Variants in NT5DC3 observed in about 807,000 individuals in gnomAD.
NT5DC3 encodes the protein 5'-nucleotidase domain-containing protein 3.
Under a neutral mutation model 67.8 loss-of-function variants are expected in NT5DC3, and 42 were observed. The observed-to-expected ratio is 0.62, with a 90% CI of 0.48 to 0.80. The LOEUF (loss-of-function observed/expected upper bound fraction) is 0.80, where lower values mean the gene tolerates loss of function less well. NT5DC3 is among the 30% of genes least tolerant of loss of function. NT5DC3 has a pLI of 0.00. For synonymous variants in NT5DC3, 237 were observed against 255.6 expected (o/e 0.93, Z 0.69); for missense variants, 570 against 696.4 (o/e 0.82, Z 2.04).
the NT5DC3 span, among the ~76,000 whole-genome samples, chr12:103,750,142 A>G: frequency 2.0e-5 from 3 of 152,226 alleles, no homozygotes; most frequent in South Asian, 6.2e-4. Flanking sequence ...TGCACCTACT[A>G]TGTGCTCTTG....
chr12:103,804,934 C>T (rs1886734097), intron 4 of NT5DC3, among the ~76,000 whole-genome samples: 1 of 152,268 alleles, frequency 6.6e-6, no homozygotes, highest in Middle Eastern at 3.4e-3. Context: ...GCCTGTAATC[C>T]CAGCTCTTTG....
chr12:103,814,294 A>C (rs552385563), intron 2 of NT5DC3, among the ~76,000 whole-genome samples: 2 of 152,256 alleles, frequency 1.3e-5, no homozygotes, highest in East Asian at 3.9e-4. Context: ...ACTTCCCAAA[A>C]ATCAGAACCA....
chr12:103,836,691 G>A (rs563905272), intron 1 of NT5DC3, among the ~76,000 whole-genome samples: 2 of 152,240 alleles, frequency 1.3e-5, no homozygotes, highest in East Asian at 3.9e-4. Flanking sequence ...TTGGGATTTT[G>A]GGACGTGTGA....
chr12:103,826,216 T>G (rs1204943073), intron 1 of NT5DC3, among the ~76,000 whole-genome samples: 1 of 152,236 alleles, frequency 6.6e-6, no homozygotes, highest in Non-Finnish European at 1.5e-5. Context: ...ACTATTCTCA[T>G]AGTAAGATGT....
At chr12:103,758,318 T>C in the NT5DC3 span, 6 of 1,609,770 alleles carry the variant, frequency 3.7e-6, no homozygotes, top group Non-Finnish European at 5.1e-6. Context: ...GCCTTTGCTT[T>C]AGACTAGCAT....
chr12:103,830,061 A>G (rs1300871123), intron 1 of NT5DC3, among the ~76,000 whole-genome samples: 1 of 152,232 alleles, frequency 6.6e-6, no homozygotes, highest in Non-Finnish European at 1.5e-5. Context: ...ACTATCAATA[A>G]TCGTGGTTGA....
chr12:103,823,615 T>C (rs747963971), intron 1 of NT5DC3, among the ~76,000 whole-genome samples: 1 of 152,238 alleles, frequency 6.6e-6, no homozygotes, highest in Non-Finnish European at 1.5e-5. Context: ...TACTCCCAGA[T>C]ATTCCAAATA....
intron 6 of NT5DC3, among the ~76,000 whole-genome samples, 162 bp downstream of exon 6, chr12:103,796,729 TAAC>T (rs1210467926): frequency 3.9e-5 from 6 of 152,272 alleles, no homozygotes; most frequent in Admixed American, 1.3e-4. Context: ...TCTCCTGATG[TAAC>T]AACATCTTTC....
chr12:103,746,497 A>G, the NT5DC3 span: 1 of 1,097,920 alleles, frequency 9.1e-7, no homozygotes, highest in Non-Finnish European at 1.4e-6. Context: ...GCACTTATGA[A>G]CACAGTGGTC....
intron 1 of NT5DC3, among the ~76,000 whole-genome samples, chr12:103,840,426 A>C (rs1466666403): frequency 6.7e-6 from 1 of 149,828 alleles, no homozygotes; most frequent in African/African-American, 2.5e-5. Flanking sequence ...ATCTCATTCC[A>C]TCCCATTCCA....
chr12:103,769,030 T>C (rs909028143), downstream of NT5DC3, among the ~76,000 whole-genome samples: 3 of 152,110 alleles, frequency 2.0e-5, no homozygotes, highest in African/African-American at 7.2e-5. Flanking sequence ...GTCAGTTCCA[T>C]AGAGTGTTAC....
At position 103,775,735 on chromosome 12, in the gene NT5DC3, G is replaced by GC. The variant is rs1312129608; in HGVS notation, c.*2093dup. ...AACAAAATGTAGAAGATGGGGAGAA[G>GC]CCTTATTGGATCTAAAGGGTCACCT... On this transcript the variant is annotated 3_prime_UTR_variant, in exon 14 of 14. Transcript: ENST00000392876. 2 of 152,196 alleles carry GC rather than the reference G, an allele frequency of 1.3e-5. No individual in the cohort carries two copies. The highest frequency in any genetic ancestry group is 2.9e-5 in the Non-Finnish European group (2 of 68,036). The allele number at this position is 152,196 out of a possible 1,614,324, so 9.4% of individuals were successfully genotyped here. A position where few individuals can be genotyped will look rare whatever the true frequency, so the allele number is the denominator to read the frequency against.
chr12:103,816,739 T>G (rs1887270051), intron 1 of NT5DC3, among the ~76,000 whole-genome samples: 1 of 152,178 alleles, frequency 6.6e-6, no homozygotes, highest in South Asian at 2.1e-4. Flanking sequence ...GCTTTATTAT[T>G]AGAATTATTT....
At chr12:103,753,080 A>G in the NT5DC3 span, 4 of 942,406 alleles carry the variant, frequency 4.2e-6, no homozygotes, top group Admixed American at 3.1e-5. Context: ...GTACTTCAAC[A>G]TAACTTGAAG....
At chr12:103,833,015 T>C (rs180754321) in intron 1 of NT5DC3, among the ~76,000 whole-genome samples, 114 of 152,344 alleles carry the variant, frequency 7.5e-4, no homozygotes, top group African/African-American at 2.5e-3. Context: ...CCCTGCTGCG[T>C]AGAAAAAGCA....
At chr12:103,839,059 C>T (rs973605193) in intron 1 of NT5DC3, among the ~76,000 whole-genome samples, 1 of 152,174 alleles carries the variant, frequency 6.6e-6, no homozygotes, top group African/African-American at 2.4e-5. Context: ...CATGAACCTA[C>T]ATGTGAGAAA....
the NT5DC3 span, among the ~76,000 whole-genome samples, chr12:103,747,629 A>G: frequency 2.0e-5 from 3 of 152,302 alleles, no homozygotes; most frequent in South Asian, 2.1e-4. Flanking sequence ...ATGCCTAGCT[A>G]CAAGGGAACC....
rs1486481264 is a variant in NT5DC3 at position 103,773,400 on chromosome 12, TC to T, written c.*4428del. On this transcript the variant is annotated 3_prime_UTR_variant, in exon 14 of 14. Transcript: ENST00000392876. ...TAAGGGTACTTCATTCCCTACCCTT[TC>T]TTGAACGCACTAGCAGTGTCAAAGG... 1 of 152,202 alleles carries T rather than the reference TC, an allele frequency of 6.6e-6. No homozygotes were observed. The highest frequency in any genetic ancestry group is 2.4e-5 in the African/African-American group (1 of 41,444). The allele number at this position is 152,202 out of a possible 1,614,324, so 9.4% of individuals were successfully genotyped here.
chr12:103,795,499 A>T (rs1392915123), intron 6 of NT5DC3, among the ~76,000 whole-genome samples: 2 of 152,234 alleles, frequency 1.3e-5, no homozygotes, highest in African/African-American at 4.8e-5. Context: ...AAAAGAGAAC[A>T]GAAACTAAAT....
Sources: allele counts gnomAD v4.1 joint callset (sites outside exome capture counted in the v4.1 genomes callset), GRCh38; gene constraint gnomAD v4.1.1; transcripts MANE v1.5; gene names NCBI Gene and HGNC (gene_info 2026-07-23, HGNC 2026-07-21).